The following TEX101 variants were observed in gnomAD, a reference collection of about 807,000 sequenced individuals.
TEX101 encodes testis expressed 101, also known as testis-expressed protein 101.
In TEX101, 10 loss-of-function variants were observed where a neutral mutation model predicts 18.1. The ratio of observed to expected loss-of-function variants is 0.55; its 90% confidence interval spans 0.34 to 0.94. TEX101 has a LOEUF of 0.94. Among genes scored for constraint, TEX101 ranks in the 40% least tolerant of loss-of-function variants. The pLI is 0.02. For synonymous variants in TEX101, 94 were observed against 114.8 expected, an observed-to-expected ratio of 0.82 and a Z score of 1.16; for missense variants, 259 against 298.9, an observed-to-expected ratio of 0.87 and a Z score of 0.98.
intron 3 of TEX101, among the ~76,000 whole-genome samples, chr19:43,406,924 G>GTTTTTTTTTTTTTT (rs201495986): frequency 9.8e-6 from 1 of 101,970 alleles, no homozygotes; most frequent in African/African-American, 4.4e-5. Context: ...TTTTGTCTTT[G>GTTTTTTTTTTTTTT]TTTTTTGTTT....
intron 3 of TEX101, among the ~76,000 whole-genome samples, chr19:43,406,931 G>GTTT (rs1002990799): frequency 7.8e-4 from 90 of 116,082 alleles, no homozygotes; most frequent in Middle Eastern, 4.9e-3. Context: ...TTTGTTTTTT[G>GTTT]TTTTTTTTTT....
At chr19:43,406,486 C>T in exon 3 of TEX101, 1 of 766,832 alleles carries the variant, frequency 1.3e-6, no homozygotes, top group Non-Finnish European at 2.4e-6. Flanking sequence ...GCGGTCCCGC[C>T]TCCATCTTCA....
chr19:43,416,368 A>G lies in TEX101; in HGVS notation c.209-5A>G. ...CCATTTCCCCTCCTTCCTGTCTCAT[A>G]ACAGGGACTGAGACAGCCATTTTGG... is the stretch of plus-strand genomic sequence containing the variant. On this transcript the variant is annotated splice_region_variant and splice_polypyrimidine_tract_variant and intron_variant, in intron 3 of 5. Transcript: ENST00000598265. The G allele has an allele frequency of 6.2e-7, 1 of 1,611,932 alleles. No homozygotes were observed. Among genetic ancestry groups the G allele is most frequent in the African/African-American group, 1.3e-5 (1 of 75,022 alleles).
rs769416150 is a variant in TEX101 at position 43,416,598 on chromosome 19, T to C, written c.391+43T>C. 5 of 1,574,866 alleles carry C rather than the reference T, an allele frequency of 3.2e-6. No homozygotes were observed. The African/African-American group carries it at 6.8e-5, about 21-fold the overall frequency. On this transcript the variant is annotated intron_variant, in intron 4 of 5. Transcript: ENST00000598265. ...GAGATAGGTACTAAGAGAAACTCCA[T>C]AAAGAGCTTGTGTATGGCCTCCCTT... is the stretch of plus-strand genomic sequence containing the variant.
intron 1 of TEX101, among the ~76,000 whole-genome samples, chr19:43,401,896 C>T (rs1313626370): frequency 2.0e-5 from 3 of 151,606 alleles, no homozygotes; most frequent in East Asian, 1.9e-4. Context: ...CATAAAAATA[C>T]GAATGGAGAA....
At chr19:43,413,677 G>A (rs1180290243), upstream of TEX101, among the ~76,000 whole-genome samples, 2 of 152,256 alleles carry the variant, frequency 1.3e-5, no homozygotes, top group Non-Finnish European at 2.9e-5. Context: ...CATAGGCCAG[G>A]GGTGGTGGCT....
At chr19:43,406,867 T>C (rs1041743299) in intron 3 of TEX101, among the ~76,000 whole-genome samples, 2 of 152,048 alleles carry the variant, frequency 1.3e-5, no homozygotes, top group African/African-American at 4.8e-5. Flanking sequence ...CAGGGATAAC[T>C]GATTTGCAGC....
upstream of TEX101, among the ~76,000 whole-genome samples, chr19:43,410,336 T>G (rs1353253430): frequency 6.6e-6 from 1 of 150,954 alleles, no homozygotes; most frequent in Non-Finnish European, 1.5e-5. Context: ...TAGGGAGAGG[T>G]CTCCCATGCA....
Position 43,415,976 on chromosome 19 carries a change from C to G in TEX101, c.57C>G (p.Leu19=). 2 of 1,614,148 alleles carry G rather than the reference C, an allele frequency of 1.2e-6. No homozygotes were observed. The highest frequency in any genetic ancestry group is 1.7e-6 in the Non-Finnish European group (2 of 1,180,000). ...TCCTCCTGGTCCTAGGAGCCTCCCT[C>G]CTGACCTGTGCGTATGGGGGACATA... ...LLILLVLGAS[L]LTSGLELYCQ... is the part of the protein sequence containing the mutation. The change falls in exon 2 of 6, where the codon CTC becomes CTG. Residue 19 remains leucine (L), a synonymous_variant. Coordinates refer to ENST00000598265, the MANE Select transcript of TEX101 (RefSeq NM_001130011.3).
At chr19:43,413,450 C>T (rs1010651149), upstream of TEX101, among the ~76,000 whole-genome samples, 4 of 149,698 alleles carry the variant, frequency 2.7e-5, no homozygotes, top group East Asian at 2.0e-4. Context: ...TGCAGTGAGC[C>T]GAGATTGCAC....
At chr19:43,411,616 G>A (rs1970419922), upstream of TEX101, among the ~76,000 whole-genome samples, 1 of 151,974 alleles carries the variant, frequency 6.6e-6, no homozygotes, top group Non-Finnish European at 1.5e-5. Flanking sequence ...CATTGCTCTA[G>A]ACTAACCTCC....
intron 3 of TEX101, among the ~76,000 whole-genome samples, chr19:43,408,008 C>A (rs1970384141): frequency 6.6e-6 from 1 of 152,232 alleles, no homozygotes; most frequent in South Asian, 2.1e-4. Context: ...TCCACACAGG[C>A]GTGTGTCCGC....
At chr19:43,408,549 T>A (rs754387171) in intron 3 of TEX101, among the ~76,000 whole-genome samples, 4 of 152,148 alleles carry the variant, frequency 2.6e-5, no homozygotes, top group Non-Finnish European at 2.9e-5. Context: ...GATGTTTTAG[T>A]GCTGTGCGTG....
upstream of TEX101, among the ~76,000 whole-genome samples, chr19:43,414,717 G>C (rs1970452646): frequency 6.6e-6 from 1 of 152,132 alleles, no homozygotes; most frequent in Non-Finnish European, 1.5e-5. Context: ...CGGTTTGCCC[G>C]CCACTCACCT....
At position 43,418,295 on chromosome 19, in the gene TEX101, A is replaced by C. The variant is rs900010074; in HGVS notation, c.648A>C (p.Gln216His). The C allele has an allele frequency of 1.2e-6, 2 of 1,614,076 alleles. No homozygotes were observed. The highest frequency in any genetic ancestry group is 1.7e-6 in the Non-Finnish European group (2 of 1,180,002). The change falls in exon 6 of 6, where the codon CAA becomes CAC. Residue 216 changes from glutamine to histidine, a missense_variant. Physicochemically the swap from Gln to His is conservative, Grantham distance 24. Transcript: ENST00000598265. ...REACPHQLLT[Q>H]PRKTENGATC... The stretch of plus-strand genomic sequence containing the variant: ...CGTGCCCACATCAGCTGCTCACTCA[A>C]CCTCGAAAGACTGAAAATGGGGCCA...
chr19:43,411,551 T>C (rs1970419165), upstream of TEX101, among the ~76,000 whole-genome samples: 1 of 152,250 alleles, frequency 6.6e-6, no homozygotes, highest in African/African-American at 2.4e-5. Flanking sequence ...ATATTAGCCA[T>C]TGAGCTTTTT....
intron 2 of TEX101, among the ~76,000 whole-genome samples, chr19:43,404,725 T>C (rs1366465174): frequency 2.0e-5 from 3 of 151,528 alleles, no homozygotes; most frequent in Non-Finnish European, 2.9e-5. Context: ...GAATGAAAAA[T>C]ATACATAATA....
upstream of TEX101, among the ~76,000 whole-genome samples, chr19:43,397,893 AAATATAT>A (rs1471498380): frequency 1.1e-5 from 1 of 89,184 alleles, no homozygotes; most frequent in Non-Finnish European, 2.0e-5. Context: ...TATTATATAT[AAATATAT>A]AATATATAAA....
upstream of TEX101, among the ~76,000 whole-genome samples, chr19:43,414,102 CA>C (rs1970444433): frequency 9.2e-6 from 1 of 108,572 alleles, no homozygotes; most frequent in Admixed American, 1.3e-4. Context: ...CCAGCCTGGG[CA>C]AAAAGAGCAA....
Sources: allele counts gnomAD v4.1 joint callset (sites outside exome capture counted in the v4.1 genomes callset), GRCh38; gene constraint gnomAD v4.1.1; transcripts MANE v1.5; gene names NCBI Gene and HGNC (gene_info 2026-07-23, HGNC 2026-07-21).